Variants in RADIL observed in about 807,000 individuals in gnomAD.
RADIL encodes the protein ras-associating and dilute domain-containing protein.
A neutral mutation model predicts 97.6 loss-of-function variants in RADIL; 99 were observed. That is an observed-to-expected ratio of 1.01 (90% CI 0.86 to 1.20). The LOEUF is 1.20. RADIL is among the 50% of genes most tolerant of loss of function. The pLI is 0.00. For missense variants in RADIL, 1,765 were observed against 1,498.9 expected, an observed-to-expected ratio of 1.18 and a Z score of -2.93; for synonymous variants, 803 against 691.8, an observed-to-expected ratio of 1.16 and a Z score of -2.52.
Position 4,803,542 on chromosome 7 carries a change from G to A in RADIL, c.2499+4C>T, listed in dbSNP as rs1161995681. 16 of 1,533,334 alleles carry A rather than the reference G, an allele frequency of 1.0e-5. No individual in the cohort carries two copies. In the African/African-American group the frequency reaches 1.7e-4, roughly 16 times the overall value. The allele number at this position is 1,533,334 out of a possible 1,614,324, so 95.0% of individuals were successfully genotyped here. A position where few individuals can be genotyped will look rare whatever the true frequency, so the allele number is the denominator to read the frequency against. ...GCTGGCTGGGGGGCCCCCTCCCCGG[G>A]TACCTCGGGGCACACTGGCTGGGAG... On this transcript the variant is annotated splice_donor_region_variant and intron_variant, in intron 11 of 14. Transcript: ENST00000399583.
rs893938111 is a variant in RADIL, at chr7:4,863,606, C to A, written c.535+13999G>T. Reference sequence around the variant, plus strand: ...ATCTAGATGGTGCAACTTTGAACCCCAAATACATGTAAGAGGACATGTGGT... The same window carrying A: ...ATCTAGATGGTGCAACTTTGAACCCAAAATACATGTAAGAGGACATGTGGT... On this transcript the variant is annotated intron_variant, in intron 2 of 14. Transcript: ENST00000399583. Among the ~76,000 whole-genome samples the A allele has an allele frequency of 3.3e-5, 5 of 152,190 alleles. No homozygotes were observed. The East Asian group carries it at 7.7e-4, about 23-fold the overall frequency.
chr7:4,861,297 C>G, intron 2 of RADIL: 1 of 1,614,094 alleles, frequency 6.2e-7, no homozygotes, highest in Non-Finnish European at 8.5e-7. Flanking sequence ...GCTAATCTTG[C>G]AAATAAAATA....
At chr7:4,827,615 CGT>C (rs1432674610) in intron 5 of RADIL, among the ~76,000 whole-genome samples, 5 of 152,148 alleles carry the variant, frequency 3.3e-5, no homozygotes, top group Admixed American at 6.5e-5. Context: ...GAGCCGAGAT[CGT>C]GCCACTGTAC....
chr7:4,809,177 G>A, intron 9 of RADIL: 1 of 985,216 alleles, frequency 1.0e-6, no homozygotes, highest in South Asian at 4.7e-5. Flanking sequence ...CCCTGGCGCT[G>A]TCCCCCGCCT....
intron 10 of RADIL, 92 bp downstream of exon 10, chr7:4,805,471 CCCA>C (rs1782276027): frequency 2.8e-6 from 4 of 1,422,890 alleles, no homozygotes; most frequent in African/African-American, 2.8e-5. Context: ...TCCCCCACAC[CCCA>C]CTTCAGTTGG....
rs917643786 is a variant in RADIL at position 4,813,847 on chromosome 7, C to G, written c.2139+1431G>C. Reference sequence around the variant, plus strand: ...TCTATCAACTGTTCTTCTGTTTTAGCCCCATCTTGACATCGGTGTCCAGAG... The same window carrying G: ...TCTATCAACTGTTCTTCTGTTTTAGGCCCATCTTGACATCGGTGTCCAGAG... On this transcript the variant is annotated intron_variant, in intron 9 of 14. Coordinates refer to ENST00000399583, the MANE Select transcript of RADIL (RefSeq NM_018059.5). The surrounding 1 kb of genome is among the most constrained non-coding windows in gnomAD (Gnocchi z 5.0). Among the ~76,000 whole-genome samples, 1 of 152,184 alleles carries G rather than the reference C, an allele frequency of 6.6e-6. No homozygotes were observed. Among genetic ancestry groups the G allele is most frequent in the Non-Finnish European group, 1.5e-5 (1 of 68,042 alleles).
rs367900646 is a variant in RADIL at position 4,880,967 on chromosome 7, G to A, written c.-65+2629C>T. Among the ~76,000 whole-genome samples, 1 of 152,042 alleles carries A rather than the reference G, an allele frequency of 6.6e-6. No individual in the cohort carries two copies. Among genetic ancestry groups the A allele is most frequent in the Non-Finnish European group, 1.5e-5 (1 of 68,004 alleles). ...AAAAATAAAAAATTAGCTGGGCATG[G>A]TGTGCACCTGTAGTCCCAGCTACTC... On this transcript the variant is annotated intron_variant, in intron 1 of 14. Coordinates refer to ENST00000399583, the MANE Select transcript of RADIL (RefSeq NM_018059.5). The surrounding 1 kb of genome is among the most constrained non-coding windows in gnomAD (Gnocchi z 4.5).
intron 7 of RADIL, among the ~76,000 whole-genome samples, chr7:4,816,855 G>A (rs1442563857): frequency 6.6e-6 from 1 of 152,172 alleles, no homozygotes; most frequent in South Asian, 2.1e-4. Context: ...AGCTGGCCAG[G>A]GCCACAGGGG....
Position 4,813,074 on chromosome 7 carries a change from TTCTCTCTCTC to T in RADIL, c.2139+2194_2139+2203del, listed in dbSNP as rs201029653. 2.7e-5 allele frequency among the ~76,000 whole-genome samples: 4 copies of T among 147,704 alleles called. No homozygotes were observed. The highest frequency in any genetic ancestry group is 1.0e-4 in the African/African-American group (4 of 39,766). ...TTCATCCTTACCCCAAGGTTCTTCT[TTCTCTCTCTC>T]TCTCTCTCTCTCTCTCTTTCCTTTC... On this transcript the variant is annotated intron_variant, in intron 9 of 14. Transcript: ENST00000399583. This position sits in a 1 kb window ranked among gnomAD's most constrained non-coding sequence, Gnocchi z 5.0.
At chr7:4,802,241 A>G (rs1401799262) in intron 11 of RADIL, among the ~76,000 whole-genome samples, 1 of 152,176 alleles carries the variant, frequency 6.6e-6, no homozygotes, top group African/African-American at 2.4e-5. Flanking sequence ...CCCCCAGCCC[A>G]GCTTCCAACC....
chr7:4,826,113 CA>C (rs1251718478), intron 5 of RADIL, among the ~76,000 whole-genome samples: 1 of 151,600 alleles, frequency 6.6e-6, no homozygotes, highest in African/African-American at 2.4e-5. Flanking sequence ...GAGGCTGAGG[CA>C]GGGGGATCAC....
intron 2 of RADIL, among the ~76,000 whole-genome samples, chr7:4,855,224 A>G (rs1461081667): frequency 6.6e-6 from 1 of 152,136 alleles, no homozygotes. Flanking sequence ...ACGTTGACAT[A>G]AACACTCTCA....
At chr7:4,870,556 C>T (rs1014453088) in intron 2 of RADIL, among the ~76,000 whole-genome samples, 7 of 152,312 alleles carry the variant, frequency 4.6e-5, no homozygotes, top group African/African-American at 1.4e-4. Flanking sequence ...ATTCTCCTGC[C>T]TCAGCCTCCC....
At position 4,818,697 on chromosome 7, in the gene RADIL, GCT is replaced by G. The variant is rs765465612; in HGVS notation, c.1616-1348_1616-1347del. Among the ~76,000 whole-genome samples the G allele has an allele frequency of 3.3e-5, 5 of 152,206 alleles. No homozygotes were observed. The highest frequency in any genetic ancestry group is 5.9e-5 in the Non-Finnish European group (4 of 68,034). ...CACGGCAGGCGGGTCAGGAGGCTGAGCTCTGTCCCGTCCACCTGTCCTGGTGC... is the reference window on the plus strand; with the variant it reads ...CACGGCAGGCGGGTCAGGAGGCTGAGCTGTCCCGTCCACCTGTCCTGGTGC... On this transcript the variant is annotated intron_variant, in intron 6 of 14. Coordinates refer to ENST00000399583, the MANE Select transcript of RADIL (RefSeq NM_018059.5). The surrounding 1 kb of genome is among the most constrained non-coding windows in gnomAD (Gnocchi z 7.1).
intron 9 of RADIL, among the ~76,000 whole-genome samples, chr7:4,806,941 A>G (rs553380340): frequency 1.3e-5 from 2 of 152,018 alleles, no homozygotes; most frequent in South Asian, 4.2e-4. Context: ...GGTTCTCTGC[A>G]CCCATCGTCC....
chr7:4,806,018 A>G, intron 9 of RADIL: 4 of 985,454 alleles, frequency 4.1e-6, no homozygotes, highest in Non-Finnish European at 4.8e-6. Flanking sequence ...AGAAACCACT[A>G]CTGGGAAATG....
chr7:4,852,421 C>A (rs547348197), intron 2 of RADIL, among the ~76,000 whole-genome samples: 4 of 152,060 alleles, frequency 2.6e-5, no homozygotes, highest in Non-Finnish European at 5.9e-5. Context: ...GCCAGTGGCA[C>A]CTTTTTACCT....
At chr7:4,830,615 C>T (rs945634221) in intron 5 of RADIL, among the ~76,000 whole-genome samples, 2 of 152,182 alleles carry the variant, frequency 1.3e-5, no homozygotes, top group Non-Finnish European at 2.9e-5. Flanking sequence ...CAGTGGCTCA[C>T]GCTTGTAATC....
intron 9 of RADIL, among the ~76,000 whole-genome samples, chr7:4,809,966 T>TCTCA (rs1432973354): frequency 6.6e-6 from 1 of 151,944 alleles, no homozygotes; most frequent in Non-Finnish European, 1.5e-5. Flanking sequence ...GATTCATGTG[T>TCTCA]CTCAGCCTCC....
Sources: gnomAD v4.1 joint callset for allele counts (sites outside exome capture counted in the v4.1 genomes callset) on GRCh38, gnomAD v4.1.1 for gene constraint, Gnocchi (gnomAD v3.1) non-coding constraint, MANE v1.5 for transcripts, NCBI Gene and HGNC (gene_info 2026-07-23, HGNC 2026-07-21) for gene names.